CAMTA2: variants seen among roughly 807,000 people sequenced by gnomAD.
CAMTA2 encodes the protein calmodulin binding transcription activator 2, also known as calmodulin-binding transcription activator 2.
Under a neutral mutation model 135.7 loss-of-function variants are expected in CAMTA2, and 56 were observed. The observed-to-expected ratio is 0.41, with a 90% CI of 0.33 to 0.52. The LOEUF (loss-of-function observed/expected upper bound fraction) is 0.52. Among genes scored for constraint, CAMTA2 ranks in the 20% least tolerant of loss-of-function variants. CAMTA2 has a pLI of 0.16. For missense variants in CAMTA2, 1,358 were observed against 1,553.4 expected, an observed-to-expected ratio of 0.87 and a Z score of 2.11; for synonymous variants, 591 against 604.6, an observed-to-expected ratio of 0.98 and a Z score of 0.33.
Position 4,969,649 on chromosome 17 carries a change from C to T in CAMTA2, c.3242G>A (p.Cys1081Tyr), listed in dbSNP as rs780019281. ...TCTCACCTGCTTGTACTTCCGGTAACAGCGCTGGATTACAGCTGCTGCTAC... is the reference window on the plus strand; with the variant it reads ...TCTCACCTGCTTGTACTTCCGGTAATAGCGCTGGATTACAGCTGCTGCTAC... ...QEVAAAVIQR[C>Y]YRKYKQLTWI... is the part of the protein sequence containing the mutation. Residue 1081 changes from cysteine to tyrosine, a missense_variant, in exon 19 of 23, where the codon TGT (cysteine) becomes TAT (tyrosine). Cys to Tyr is a radical substitution (Grantham distance 194, BLOSUM62 -2). This residue lies in a region of CAMTA2 where 167 missense variants were observed against 207.0 expected (regional missense o/e 0.81). Transcript: ENST00000348066. This position sits in a 1 kb window ranked among gnomAD's most constrained non-coding sequence, Gnocchi z 5.6. 1.4e-5 allele frequency: 22 copies of T among 1,613,990 alleles called. No individual in the cohort carries two copies. In the African/African-American group the frequency reaches 1.7e-4, roughly 13 times the overall value.
rs1972122906 is a variant in CAMTA2, at chr17:4,969,464, A to G, written c.3282+36T>C. On this transcript the variant is annotated intron_variant, in intron 20 of 22. Transcript: ENST00000348066. The surrounding 1 kb of genome is among the most constrained non-coding windows in gnomAD (Gnocchi z 5.6). Reference sequence around the variant, plus strand: ...CACACACTCAAGGAAAGACTGAATCATCACAGACCTCACACTCAGAGCTCA... The same window carrying G: ...CACACACTCAAGGAAAGACTGAATCGTCACAGACCTCACACTCAGAGCTCA... 1 of 1,613,332 alleles carries G rather than the reference A, an allele frequency of 6.2e-7. No homozygotes were observed. The highest frequency in any genetic ancestry group is 1.3e-5 in the African/African-American group (1 of 74,902).
chr17:4,978,630 C>G lies in CAMTA2; in HGVS notation c.1639G>C (p.Gly547Arg). ...CCTGTGATGAGCACCTTGACCCCAC[C>G]CTGCAGACAGAAGTCAGAGACCATG... is the stretch of plus-strand genomic sequence containing the variant. ...DFSPEWSYPEGGVKVLITGPW... is the reference protein window; with the variant it reads ...DFSPEWSYPERGVKVLITGPW... The change falls in exon 10 of 23, where the codon GGT (glycine) becomes CGT (arginine). Residue 547 changes from glycine to arginine, a missense_variant and splice_region_variant. This residue lies in a region of CAMTA2 where 1,077 missense variants were observed against 1,127.5 expected (regional missense o/e 0.96). Coordinates refer to ENST00000348066, the MANE Select transcript of CAMTA2 (RefSeq NM_015099.4). 6.2e-7 allele frequency: 1 copy of G among 1,612,244 alleles called. No homozygotes were observed. The highest frequency in any genetic ancestry group is 8.5e-7 in the Non-Finnish European group (1 of 1,178,790).
intron 15 of CAMTA2, 27 bp downstream of exon 15, chr17:4,972,738 CCTCT>C: frequency 6.3e-7 from 1 of 1,595,238 alleles, no homozygotes. Flanking sequence ...TACCTACATC[CCTCT>C]CTCCAAAAGA....
chr17:4,979,508 CAA>C (rs5819002), intron 9 of CAMTA2, 174 bp downstream of exon 9: 6,202 of 204,138 alleles, frequency 0.03, no homozygotes, highest in South Asian at 0.054. Flanking sequence ...GAAACTGTCT[CAA>C]AAAAAAAAAA....
intron 12 of CAMTA2, 186 bp downstream of exon 12, chr17:4,974,199 G>C (rs1972474368): frequency 1.7e-6 from 1 of 591,010 alleles, no homozygotes; most frequent in Admixed American, 2.9e-5. Context: ...ATGCCAAGAG[G>C]GTGCCCAGAA....
chr17:4,971,678 C>A (rs1196624877), intron 16 of CAMTA2, among the ~76,000 whole-genome samples: 2 of 143,324 alleles, frequency 1.4e-5, no homozygotes, highest in African/African-American at 5.2e-5. Flanking sequence ...TATTTTAAAT[C>A]TTACTATTTT....
chr17:4,987,623 C>T lies in CAMTA2; in HGVS notation c.-95G>A, dbSNP rs1973445769. ...GGGGTCCCGCGGGTGACGGCGGCAG[C>T]GGCCATTCTACCCCACACCGACCCC... On this transcript the variant is annotated 5_prime_UTR_variant, in exon 1 of 23. Transcript: ENST00000348066. The T allele has an allele frequency of 6.5e-7, 1 of 1,527,726 alleles. No homozygotes were observed. Among genetic ancestry groups the T allele is most frequent in the Non-Finnish European group, 8.7e-7 (1 of 1,143,036 alleles). The allele number at this position is 1,527,726 out of a possible 1,614,324, so 94.6% of individuals were successfully genotyped here. A position where few individuals can be genotyped will look rare whatever the true frequency, so the allele number is the denominator to read the frequency against.
intron 17 of CAMTA2, 95 bp from the exon 18 acceptor site, chr17:4,970,180 GTC>G (rs1284695840): frequency 1.1e-5 from 16 of 1,419,970 alleles, no homozygotes; most frequent in Non-Finnish European, 1.3e-5. Flanking sequence ...CAGCAACTGA[GTC>G]TGGAGAGTGA....
In CAMTA2 at chr17:4,985,964, C is replaced by T; in HGVS notation, c.51G>A (p.Lys17=). 1 of 1,613,764 alleles carries T rather than the reference C, an allele frequency of 6.2e-7. No homozygotes were observed. Among genetic ancestry groups the T allele is most frequent in the Non-Finnish European group, 8.5e-7 (1 of 1,179,666 alleles). ...CCAGCAGCTTCTTGGGGAGAAAGAT[C>T]TTCAGGTGGTGGCTGTTTTCTAAAG... The part of the protein sequence containing the change: ...TEVAENSHHL[K]IFLPKKLLEC... The change falls in exon 3 of 23, where the codon AAG becomes AAA. Residue 17 remains lysine, a synonymous_variant. Transcript: ENST00000348066.
Position 4,972,836 on chromosome 17 carries a change from T to C in CAMTA2, c.2436A>G (p.Leu812=). ...GCTCCACCGAAGGCTCCTGTCTCTGTAGTTCCTCAAGGCAGCGGGCAAGGC... is the reference window on the plus strand; with the variant it reads ...GCTCCACCGAAGGCTCCTGTCTCTGCAGTTCCTCAAGGCAGCGGGCAAGGC... ...HVRLARCLEE[L]QRQEPSVEPP... Residue 812 remains leucine, a synonymous_variant, in exon 15 of 23, where the codon CTA becomes CTG. Coordinates refer to ENST00000348066, the MANE Select transcript of CAMTA2 (RefSeq NM_015099.4). 1.2e-6 allele frequency: 2 copies of C among 1,613,848 alleles called. No homozygotes were observed. The highest frequency in any genetic ancestry group is 1.7e-6 in the Non-Finnish European group (2 of 1,180,012).
intron 11 of CAMTA2, among the ~76,000 whole-genome samples, chr17:4,975,976 G>A (rs1321788318): frequency 6.6e-6 from 1 of 152,148 alleles, no homozygotes; most frequent in Non-Finnish European, 1.5e-5. Flanking sequence ...TATTAGCAAT[G>A]GATATCACTG....
chr17:4,986,264 G>T lies in CAMTA2; in HGVS notation c.-42C>A, dbSNP rs1023395706. ...GGCAAGGTCACCCCCGGCCTGAGGG[G>T]CCGGGGGGAGGGGGAGTCTGTGCTG... On this transcript the variant is annotated 5_prime_UTR_variant, in exon 2 of 23. Coordinates refer to ENST00000348066, the MANE Select transcript of CAMTA2 (RefSeq NM_015099.4). 8 of 1,520,580 alleles carry T rather than the reference G, an allele frequency of 5.3e-6. No homozygotes were observed. The allele number at this position is 1,520,580 out of a possible 1,614,324, so 94.2% of individuals were successfully genotyped here. A position where few individuals can be genotyped will look rare whatever the true frequency, so the allele number is the denominator to read the frequency against.
Position 4,972,516 on chromosome 17 carries a change from G to A in CAMTA2, c.2524C>T (p.Pro842Ser). ...AAGGTGCCATCCGACAGCTCCGAGGGCGAGGAGACGCTGCTCAGACCTGTG... is the reference window on the plus strand; with the variant it reads ...AAGGTGCCATCCGACAGCTCCGAGGACGAGGAGACGCTGCTCAGACCTGTG... ...PDTGLSSVSS[P>S]SELSDGTFSV... Residue 842 changes from proline (P) to serine (S), a missense_variant, in exon 16 of 23, where the codon CCC (proline) becomes TCC (serine). Transcript: ENST00000348066. 1.2e-6 allele frequency: 2 copies of A among 1,606,770 alleles called. No individual in the cohort carries two copies. Among genetic ancestry groups the A allele is most frequent in the Non-Finnish European group, 8.5e-7 (1 of 1,177,170 alleles).
In CAMTA2 at chr17:4,970,539, G is replaced by C. The variant is rs1423696042; in HGVS notation, c.2809-3C>G. 3 of 1,606,916 alleles carry C rather than the reference G, an allele frequency of 1.9e-6. No individual in the cohort carries two copies. The East Asian group carries it at 6.7e-5, about 36-fold the overall frequency. ...TTGGCTAGTGAGATCATGTCCACCT[G>C]GAAGAAGGGAGAAGCTGAGTGAGTC... On this transcript the variant is annotated splice_polypyrimidine_tract_variant and splice_region_variant and intron_variant, in intron 16 of 22. Coordinates refer to ENST00000348066, the MANE Select transcript of CAMTA2 (RefSeq NM_015099.4).
At chr17:4,982,346 G>A (rs1973008499) in intron 5 of CAMTA2, 186 bp from the exon 6 acceptor site, 1 of 614,452 alleles carries the variant, frequency 1.6e-6, no homozygotes, top group Non-Finnish European at 2.9e-6. Flanking sequence ...TGAGCAGTGG[G>A]GCTGGGGCCT....
At chr17:4,977,942 C>T (rs967978743) in intron 10 of CAMTA2, among the ~76,000 whole-genome samples, 22 of 152,332 alleles carry the variant, frequency 1.4e-4, no homozygotes, top group Non-Finnish European at 2.9e-4. Flanking sequence ...TAGGGTAACA[C>T]GAGCCATGTG....
Position 4,972,859 on chromosome 17 carries a change from G to C in CAMTA2, c.2413C>G (p.Leu805Val). 6.2e-7 allele frequency: 1 copy of C among 1,613,922 alleles called. No homozygotes were observed. The highest frequency in any genetic ancestry group is 8.5e-7 in the Non-Finnish European group (1 of 1,180,044). ...SVAHSRGHVR[L>V]ARCLEELQRQ... ...TGTAGTTCCTCAAGGCAGCGGGCAA[G>C]GCGCACATGACCCCGGGAATGAGCC... The change falls in exon 15 of 23, where the codon CTT (leucine) becomes GTT (valine). Residue 805 changes from leucine (L) to valine (V), a missense_variant. Coordinates refer to ENST00000348066, the MANE Select transcript of CAMTA2 (RefSeq NM_015099.4).
intron 12 of CAMTA2, 174 bp from the exon 13 acceptor site, chr17:4,973,943 C>G: frequency 3.4e-6 from 2 of 596,548 alleles, no homozygotes; most frequent in Non-Finnish European, 5.9e-6. Flanking sequence ...CTTGCTCCCA[C>G]AGCCACTTCC....
At position 4,969,934 on chromosome 17, in the gene CAMTA2, G is replaced by A. The variant is rs1272588049; in HGVS notation, c.3157C>T (p.Arg1053Ter). Residue 1053 changes from arginine (R) to a stop codon, truncating the protein, a stop_gained, in exon 18 of 23, where the codon CGA (arginine) becomes TGA (stop). Coordinates refer to ENST00000348066, the MANE Select transcript of CAMTA2 (RefSeq NM_015099.4). LOFTEE classifies it high-confidence loss of function. This position sits in a 1 kb window ranked among gnomAD's most constrained non-coding sequence, Gnocchi z 5.6. ...HEQRELYEAARVIQTAFRKYK... is the reference protein window; with the variant it reads ...HEQRELYEAA ...TTTCGGAAGGCCGTCTGGATGACTC[G>A]GGCAGCCTCATACAGTTCCCGCTGC... 5 of 1,614,126 alleles carry A rather than the reference G, an allele frequency of 3.1e-6. No individual in the cohort carries two copies. The highest frequency in any genetic ancestry group is 2.2e-5 in the East Asian group (1 of 44,884).
Sources: allele counts gnomAD v4.1 joint callset (sites outside exome capture counted in the v4.1 genomes callset), GRCh38; gene constraint gnomAD v4.1.1; regional missense constraint gnomAD v4.1.1; non-coding constraint Gnocchi (gnomAD v3.1); transcripts MANE v1.5; gene names NCBI Gene and HGNC (gene_info 2026-07-23, HGNC 2026-07-21).